COL5A1: variants seen among roughly 807,000 people sequenced by gnomAD.
COL5A1 encodes collagen type V alpha 1 chain.
COL5A1 carries 16 observed loss-of-function variants against 263.7 expected under a neutral mutation model. That is an observed-to-expected ratio of 0.06 (90% CI 0.04 to 0.09). The LOEUF (loss-of-function observed/expected upper bound fraction) is 0.09, where lower values mean the gene tolerates loss of function less well. Among genes scored for constraint, COL5A1 ranks in the 10% least tolerant of loss-of-function variants. The pLI, the probability that COL5A1 is intolerant of heterozygous loss-of-function variation, is 1.00. For synonymous variants in COL5A1, 1,012 were observed against 1,004.5 expected (o/e 1.01, Z -0.14); for missense variants, 2,036 against 2,540.5 (o/e 0.80, Z 4.27).
At chr9:134,655,950 C>A (rs60891883) in intron 1 of COL5A1, among the ~76,000 whole-genome samples, 198 of 152,306 alleles carry the variant, frequency 1.3e-3, no homozygotes, top group African/African-American at 4.3e-3. Context: ...GGTTGGAGTT[C>A]TCTGGGTCTG....
intron 1 of COL5A1, among the ~76,000 whole-genome samples, chr9:134,690,189 C>T (rs926826992): frequency 6.6e-6 from 1 of 152,130 alleles, no homozygotes; most frequent in African/African-American, 2.4e-5. Flanking sequence ...GGGGGCTGCC[C>T]CTCCCTTGTT....
In COL5A1 at chr9:134,699,909, C is replaced by G. The variant is rs41306397; in HGVS notation, c.278C>G (p.Ala93Gly). The G allele has an allele frequency of 9.3e-6, 15 of 1,613,784 alleles. No homozygotes were observed. In the African/African-American group the frequency reaches 1.3e-4, roughly 14 times the overall value. The change falls in exon 3 of 66, where the codon GCG becomes GGG. Residue 93 changes from alanine to glycine, a missense_variant and splice_region_variant. Around this residue, in one of 3 missense-constraint regions of COL5A1, gnomAD observed 600 missense variants for 634.5 expected, o/e 0.95. Coordinates refer to ENST00000371817, the MANE Select transcript of COL5A1 (RefSeq NM_000093.5). ...TTCTCACCTCTGTGCTCTGTTCCAG[C>G]GTCTGCATTTCCCGAGGACTTCTCC... ...LSAPTKQLYP[A>G]SAFPEDFSIL...
chr9:134,654,486 T>TG (rs1831847864), intron 1 of COL5A1, among the ~76,000 whole-genome samples: 1 of 44,698 alleles, frequency 2.2e-5, no homozygotes. Context: ...AGGGCTGGAG[T>TG]TGTGTAGAGC....
At chr9:134,728,616 C>G in intron 5 of COL5A1, 54 bp from the exon 6 acceptor site, 2 of 1,611,386 alleles carry the variant, frequency 1.2e-6, no homozygotes, top group Non-Finnish European at 1.7e-6. Context: ...GGACAGCAGG[C>G]TGGTCGCTCT....
At chr9:134,749,102 T>C (rs1488201531) in intron 11 of COL5A1, among the ~76,000 whole-genome samples, 4 of 152,142 alleles carry the variant, frequency 2.6e-5, no homozygotes, top group Non-Finnish European at 5.9e-5. Context: ...CCCACGCTGG[T>C]GTGGACACCT....
At chr9:134,708,390 C>T (rs73564824) in intron 4 of COL5A1, 18,971 of 373,824 alleles carry the variant, frequency 0.051, 639 homozygotes, top group Non-Finnish European at 0.066. Context: ...CTGGCCAGTG[C>T]GCCTGCCATT....
chr9:134,668,426 G>C (rs77073881), intron 1 of COL5A1, among the ~76,000 whole-genome samples: 2 of 152,120 alleles, frequency 1.3e-5, no homozygotes, highest in Non-Finnish European at 2.9e-5. Context: ...TGGTCTTTGC[G>C]TGAGGCATTT....
chr9:134,738,263 G>A (rs772850976), intron 9 of COL5A1, among the ~76,000 whole-genome samples: 1 of 152,192 alleles, frequency 6.6e-6, no homozygotes, highest in Non-Finnish European at 1.5e-5. Flanking sequence ...CCGCTGGCCC[G>A]GGTTGCTCTT....
chr9:134,666,684 G>A (rs1832369440), intron 1 of COL5A1, among the ~76,000 whole-genome samples: 1 of 152,158 alleles, frequency 6.6e-6, no homozygotes, highest in African/African-American at 2.4e-5. Context: ...CTCCCTCACT[G>A]GGGGTGCCTG....
intron 1 of COL5A1, among the ~76,000 whole-genome samples, chr9:134,648,860 A>G (rs1831566274): frequency 6.6e-6 from 1 of 152,194 alleles, no homozygotes; most frequent in Non-Finnish European, 1.5e-5. Flanking sequence ...TGAGCCAGGA[A>G]GGTGCATCCT....
intron 4 of COL5A1, among the ~76,000 whole-genome samples, chr9:134,701,649 G>T (rs1833680883): frequency 6.6e-6 from 1 of 152,172 alleles, no homozygotes. Flanking sequence ...CTCGTGCTGA[G>T]GCTCCTGGAA....
intron 37 of COL5A1, among the ~76,000 whole-genome samples, chr9:134,801,514 C>T (rs1838112699): frequency 6.6e-6 from 1 of 152,222 alleles, no homozygotes; most frequent in African/African-American, 2.4e-5. Flanking sequence ...AGTGCAAACG[C>T]ACGGTGGCTC....
chr9:134,705,918 G>C (rs1162700122), intron 4 of COL5A1, among the ~76,000 whole-genome samples: 1 of 152,234 alleles, frequency 6.6e-6, no homozygotes, highest in Non-Finnish European at 1.5e-5. Context: ...AACTGGCTGA[G>C]GGTCCCGCCA....
At position 134,805,296 on chromosome 9, in the gene COL5A1, A is replaced by G. The variant is rs575748548; in HGVS notation, c.3258+82A>G. On this transcript the variant is annotated intron_variant, in intron 41 of 65. Transcript: ENST00000371817. Reference sequence around the variant, plus strand: ...GGGGCAGTCCCCGAGAGCCCAGAGCATGCAGCTGCCCCAGACCCCCGAGGA... The same window carrying G: ...GGGGCAGTCCCCGAGAGCCCAGAGCGTGCAGCTGCCCCAGACCCCCGAGGA... 1.3e-5 allele frequency: 19 copies of G among 1,513,780 alleles called. No homozygotes were observed. In the East Asian group the frequency reaches 3.6e-4, roughly 29 times the overall value. The allele number at this position is 1,513,780 out of a possible 1,614,324, so 93.8% of individuals were successfully genotyped here. A position where few individuals can be genotyped will look rare whatever the true frequency, so the allele number is the denominator to read the frequency against.
chr9:134,790,208 G>A (rs990956162), intron 32 of COL5A1, among the ~76,000 whole-genome samples: 13 of 152,202 alleles, frequency 8.5e-5, no homozygotes, highest in Admixed American at 6.5e-5. Context: ...TCACAAAATA[G>A]GAAAAAGAAG....
chr9:134,774,694 A>G (rs1836988971), intron 26 of COL5A1, among the ~76,000 whole-genome samples, 165 bp from the exon 27 acceptor site: 1 of 152,178 alleles, frequency 6.6e-6, no homozygotes, highest in South Asian at 2.1e-4. Flanking sequence ...GCAGGCTGTG[A>G]ACACCTGTGC....
chr9:134,721,490 C>T (rs1358865094), intron 4 of COL5A1, among the ~76,000 whole-genome samples: 1 of 152,168 alleles, frequency 6.6e-6, no homozygotes, highest in Non-Finnish European at 1.5e-5. Context: ...AACCCACAGC[C>T]CCGAGGGCAG....
In COL5A1 at chr9:134,729,573, C is replaced by A. The variant is rs145384530; in HGVS notation, c.925-663C>A. Among the ~76,000 whole-genome samples the A allele has an allele frequency of 6.8e-3, 327 of 47,964 alleles. 1 individual carries two copies. Among genetic ancestry groups the A allele is most frequent in the South Asian group, 0.017 (12 of 686 alleles). 31.5% of individuals were successfully genotyped at this position (47,964 alleles called of 152,430 possible). On this transcript the variant is annotated intron_variant, in intron 6 of 65. Transcript: ENST00000371817. Reference sequence around the variant, plus strand: ...GTGTGCATGAGCCTGTGTGTGTGAGCGTGTGTGAGCGTGTGTGCATGCGGG... The same window carrying A: ...GTGTGCATGAGCCTGTGTGTGTGAGAGTGTGTGAGCGTGTGTGCATGCGGG...
intron 4 of COL5A1, among the ~76,000 whole-genome samples, chr9:134,704,891 C>T (rs1833789438): frequency 6.6e-6 from 1 of 151,774 alleles, no homozygotes; most frequent in Admixed American, 6.6e-5. Context: ...AAGAGAATTT[C>T]TATTTCTTTT....
Sources: gnomAD v4.1 joint callset for allele counts (sites outside exome capture counted in the v4.1 genomes callset) on GRCh38, gnomAD v4.1.1 for gene constraint, gnomAD v4.1.1 regional missense constraint, MANE v1.5 for transcripts, NCBI Gene and HGNC (gene_info 2026-07-23, HGNC 2026-07-21) for gene names.